Variants in ARHGAP39 observed in about 807,000 individuals in gnomAD.
The protein encoded by ARHGAP39 is rho GTPase-activating protein 39.
ARHGAP39 carries 44 observed loss-of-function variants against 106.9 expected under a neutral mutation model. The observed-to-expected ratio is 0.41, with a 90% CI of 0.32 to 0.53. ARHGAP39 has a LOEUF of 0.53. ARHGAP39 is among the 20% of genes least tolerant of loss of function. The probability of loss-of-function intolerance (pLI) is 0.21; values close to 1 mark genes in which losing one functional copy is unlikely to be tolerated. For missense variants in ARHGAP39, 1,496 were observed against 1,577.3 expected (o/e 0.95, Z 0.87); for synonymous variants, 768 against 693.2 (o/e 1.11, Z -1.69).
intron 1 of ARHGAP39, among the ~76,000 whole-genome samples, chr8:144,640,695 G>T (rs1821289436): frequency 1.3e-5 from 2 of 152,218 alleles, no homozygotes; most frequent in South Asian, 4.1e-4. Flanking sequence ...CTGCAGTAAA[G>T]AAGTGTTTTC....
At chr8:144,607,333 T>C (rs1820331063) in intron 1 of ARHGAP39, among the ~76,000 whole-genome samples, 1 of 151,404 alleles carries the variant, frequency 6.6e-6, no homozygotes, top group Non-Finnish European at 1.5e-5. Context: ...CAGCCTCTGC[T>C]GTTAGAAATC....
In ARHGAP39 at chr8:144,535,661, C is replaced by T. The variant is rs566966459; in HGVS notation, c.2615-1459G>A. ...CTGGGCCTCCTGCTTGCTGTCCCTG[C>T]GGGAAGACAGGCCCTGATCTCCTGT... On this transcript the variant is annotated intron_variant, in intron 7 of 11. Transcript: ENST00000377307. Among the ~76,000 whole-genome samples, 18 of 152,310 alleles carry T rather than the reference C, an allele frequency of 1.2e-4. No homozygotes were observed. The South Asian group carries it at 2.1e-3, about 18-fold the overall frequency.
intron 3 of ARHGAP39, among the ~76,000 whole-genome samples, chr8:144,578,675 C>T (rs1382904596): frequency 6.6e-6 from 1 of 151,860 alleles, no homozygotes; most frequent in Non-Finnish European, 1.5e-5. Flanking sequence ...TAGTGAAACC[C>T]CAATCTCTAC....
chr8:144,688,407 G>A (rs1351617388), upstream of ARHGAP39, among the ~76,000 whole-genome samples: 1 of 151,968 alleles, frequency 6.6e-6, no homozygotes, highest in African/African-American at 2.4e-5. Flanking sequence ...ACCTGGCCAA[G>A]GACACTTAAC....
chr8:144,573,600 TAAAATA>T (rs1818662657), intron 3 of ARHGAP39, among the ~76,000 whole-genome samples: 1 of 152,002 alleles, frequency 6.6e-6, no homozygotes, highest in African/African-American at 2.4e-5. Context: ...GAACTTAAAG[TAAAATA>T]AAAATAAAAA....
intron 3 of ARHGAP39, among the ~76,000 whole-genome samples, chr8:144,579,486 A>T (rs1412303233): frequency 6.6e-6 from 1 of 152,000 alleles, no homozygotes; most frequent in Non-Finnish European, 1.5e-5. Flanking sequence ...CCCTGCCCTG[A>T]ATACCGACAC....
At chr8:144,537,113 G>A (rs1368345674) in intron 7 of ARHGAP39, among the ~76,000 whole-genome samples, 21 of 151,994 alleles carry the variant, frequency 1.4e-4, no homozygotes, top group Admixed American at 1.3e-3. Context: ...ACAGCCCTGG[G>A]TTCACAGGGC....
intron 1 of ARHGAP39, among the ~76,000 whole-genome samples, chr8:144,612,918 T>C (rs1433032552): frequency 6.6e-6 from 1 of 152,288 alleles, no homozygotes; most frequent in Non-Finnish European, 1.5e-5. Flanking sequence ...TCTGACCATC[T>C]TGCTGTGTGT....
chr8:144,530,931 G>T lies in ARHGAP39; in HGVS notation c.2981-60C>A, dbSNP rs1205363029. On this transcript the variant is annotated intron_variant, in intron 10 of 11. Coordinates refer to ENST00000377307, the MANE Select transcript of ARHGAP39 (RefSeq NM_025251.3). ...CGGCGGGCACCCCTGGGCCAAATGG[G>T]GTCCCGTGGCGGACATGCATGGAGG... 3 of 1,557,106 alleles carry T rather than the reference G, an allele frequency of 1.9e-6. No individual in the cohort carries two copies. The East Asian group carries it at 6.9e-5, about 36-fold the overall frequency.
chr8:144,537,167 G>C, intron 7 of ARHGAP39, among the ~76,000 whole-genome samples: 1 of 152,010 alleles, frequency 6.6e-6, no homozygotes. Flanking sequence ...GGTGGAAGCT[G>C]TGTGAGAGTG....
At chr8:144,617,760 T>G (rs150791534) in intron 1 of ARHGAP39, among the ~76,000 whole-genome samples, 1 of 152,180 alleles carries the variant, frequency 6.6e-6, no homozygotes, top group Non-Finnish European at 1.5e-5. Context: ...TCTTCTGCAT[T>G]GATTTTAAAA....
At chr8:144,651,295 A>G (rs1821567022) in intron 1 of ARHGAP39, among the ~76,000 whole-genome samples, 2 of 152,240 alleles carry the variant, frequency 1.3e-5, no homozygotes, top group Admixed American at 6.5e-5. Context: ...ACTCATGGAT[A>G]GGAAGAATCG....
the ARHGAP39 span, among the ~76,000 whole-genome samples, chr8:144,697,235 G>C: frequency 6.6e-6 from 1 of 151,524 alleles, no homozygotes; most frequent in Non-Finnish European, 1.5e-5. Flanking sequence ...GCTGAGGCAG[G>C]AGGATCGCTT....
intron 1 of ARHGAP39, among the ~76,000 whole-genome samples, chr8:144,653,225 CG>C (rs1415890759): frequency 1.3e-5 from 2 of 152,222 alleles, no homozygotes; most frequent in Middle Eastern, 3.4e-3. Flanking sequence ...CGCTTGAACC[CG>C]GGAAGTGGAG....
chr8:144,626,703 G>A (rs1169581987), intron 1 of ARHGAP39, among the ~76,000 whole-genome samples: 1 of 152,212 alleles, frequency 6.6e-6, no homozygotes, highest in East Asian at 1.9e-4. Context: ...CACGTACAAG[G>A]TGGACCCCCA....
chr8:144,628,865 G>A (rs905829340), intron 1 of ARHGAP39, among the ~76,000 whole-genome samples: 1 of 152,192 alleles, frequency 6.6e-6, no homozygotes, highest in African/African-American at 2.4e-5. Flanking sequence ...CGGGACTCAT[G>A]CGATTCTTGT....
chr8:144,543,431 T>C (rs1564837957), intron 6 of ARHGAP39, among the ~76,000 whole-genome samples: 1 of 152,212 alleles, frequency 6.6e-6, no homozygotes, highest in Non-Finnish European at 1.5e-5. Context: ...TCAGGGACCC[T>C]GACAGACGAA....
intron 2 of ARHGAP39, among the ~76,000 whole-genome samples, chr8:144,597,999 A>G (rs1413688279): frequency 6.6e-6 from 1 of 152,200 alleles, no homozygotes. Flanking sequence ...GGCTAAGAAC[A>G]CACGGAGATG....
At chr8:144,648,188 C>T (rs1821491352) in intron 1 of ARHGAP39, among the ~76,000 whole-genome samples, 1 of 152,152 alleles carries the variant, frequency 6.6e-6, no homozygotes, top group African/African-American at 2.4e-5. Context: ...TCCAGGGCCC[C>T]AGCTGCTCTG....
Sources: allele counts gnomAD v4.1 joint callset (sites outside exome capture counted in the v4.1 genomes callset), GRCh38; gene constraint gnomAD v4.1.1; transcripts MANE v1.5; gene names NCBI Gene and HGNC (gene_info 2026-07-23, HGNC 2026-07-21).